The following LOC400499 variants were observed in gnomAD, a reference collection of about 807,000 sequenced individuals.
the LOC400499 span, among the ~76,000 whole-genome samples, chr16:11,478,224 C>T: frequency 2.2e-4 from 33 of 150,604 alleles, no homozygotes; most frequent in Non-Finnish European, 4.7e-4. Context: ...GACAGGGTTT[C>T]GCCATGTTGG....
chr16:11,393,011 T>C, the LOC400499 span, among the ~76,000 whole-genome samples: 37,735 of 152,070 alleles, frequency 0.25, 5,043 homozygotes, highest in African/African-American at 0.35. Flanking sequence ...CCCGCTACTG[T>C]GCCCGGCTAC....
the LOC400499 span, among the ~76,000 whole-genome samples, chr16:11,470,362 G>T: frequency 0.38 from 58,273 of 152,058 alleles, 12,533 homozygotes; most frequent in Non-Finnish European, 0.5. Context: ...CACACTCTGC[G>T]AGTACCTCGT....
At chr16:11,471,947 G>A in the LOC400499 span, 27 of 397,602 alleles carry the variant, frequency 6.8e-5, no homozygotes, top group African/African-American at 5.3e-4. Flanking sequence ...GCACCATGTA[G>A]ACAGGACTCC....
the LOC400499 span, among the ~76,000 whole-genome samples, chr16:11,483,768 C>T: frequency 1.3e-4 from 20 of 151,332 alleles, no homozygotes; most frequent in African/African-American, 3.9e-4. Context: ...CCAGCTACTC[C>T]GGAAGCTGAG....
the LOC400499 span, among the ~76,000 whole-genome samples, chr16:11,410,475 T>C: frequency 5.9e-4 from 90 of 152,056 alleles, no homozygotes; most frequent in African/African-American, 2.1e-3. Context: ...AAAAATTAAA[T>C]AAATAAATAA....
the LOC400499 span, among the ~76,000 whole-genome samples, chr16:11,481,277 A>C: frequency 6.6e-6 from 1 of 152,186 alleles, no homozygotes; most frequent in Non-Finnish European, 1.5e-5. Flanking sequence ...AACGAGACAG[A>C]AGTGGTGGTG....
At chr16:11,509,195 G>T in the LOC400499 span, among the ~76,000 whole-genome samples, 2 of 145,334 alleles carry the variant, frequency 1.4e-5, no homozygotes, top group African/African-American at 5.1e-5. Flanking sequence ...TCGGCTCACT[G>T]CAAGCTCCGC....
At chr16:11,508,240 A>G in the LOC400499 span, among the ~76,000 whole-genome samples, 1 of 152,318 alleles carries the variant, frequency 6.6e-6, no homozygotes, top group South Asian at 2.1e-4. Flanking sequence ...ATCACAGCAC[A>G]GCCTCAGGGC....
the LOC400499 span, chr16:11,472,520 AGGCAATACTGTGTAGAAC>A: frequency 6.6e-6 from 1 of 152,238 alleles, no homozygotes; most frequent in Non-Finnish European, 1.5e-5. Flanking sequence ...AAAGAGTGTC[AGGCAATACTGTGTAGAAC>A]ACAGGCTCTG....
chr16:11,390,203 C>T, the LOC400499 span: 3 of 1,232,512 alleles, frequency 2.4e-6, no homozygotes, highest in African/African-American at 3.1e-5. Context: ...GTTGGGCGGC[C>T]TGGAGAGGGA....
At chr16:11,414,590 G>C in the LOC400499 span, 2 of 399,218 alleles carry the variant, frequency 5.0e-6, no homozygotes, top group Admixed American at 4.4e-5. Context: ...CTACATGAGA[G>C]GCCATGCCCT....
chr16:11,478,044 G>A, the LOC400499 span: 3 of 396,544 alleles, frequency 7.6e-6, no homozygotes, highest in Non-Finnish European at 1.3e-5. Flanking sequence ...CGGGCTCGGT[G>A]GCTCACGCCT....
the LOC400499 span, among the ~76,000 whole-genome samples, chr16:11,494,941 G>A: frequency 1.3e-5 from 2 of 152,198 alleles, no homozygotes; most frequent in African/African-American, 2.4e-5. Context: ...AGACACGGTG[G>A]CTCATGCCTG....
At chr16:11,440,693 T>G in the LOC400499 span, 1 of 398,954 alleles carries the variant, frequency 2.5e-6, no homozygotes, top group Non-Finnish European at 4.4e-6. Flanking sequence ...CCGGCCTCCC[T>G]CGGCAAGGGA....
chr16:11,421,720 T>A, the LOC400499 span, among the ~76,000 whole-genome samples: 1 of 152,012 alleles, frequency 6.6e-6, no homozygotes, highest in African/African-American at 2.4e-5. Flanking sequence ...ATTTCCAGAA[T>A]AGACAAACGC....
At chr16:11,382,550 A>AT in the LOC400499 span, among the ~76,000 whole-genome samples, 1 of 149,774 alleles carries the variant, frequency 6.7e-6, no homozygotes, top group Non-Finnish European at 1.5e-5. Flanking sequence ...AACAACACAC[A>AT]TTTGGTCACA....
the LOC400499 span, chr16:11,469,680 G>C: frequency 2.5e-6 from 1 of 399,016 alleles, no homozygotes; most frequent in Non-Finnish European, 4.4e-6. Context: ...GGAAATAGCA[G>C]AGTCTTCAAG....
chr16:11,482,790 G>C, the LOC400499 span, among the ~76,000 whole-genome samples: 1 of 151,852 alleles, frequency 6.6e-6, no homozygotes, highest in South Asian at 2.1e-4. Context: ...TACTCAAGTG[G>C]CTGAGGCTGG....
At chr16:11,486,095 G>C in the LOC400499 span, among the ~76,000 whole-genome samples, 4 of 148,848 alleles carry the variant, frequency 2.7e-5, no homozygotes, top group Non-Finnish European at 5.9e-5. Flanking sequence ...TGGATGGACG[G>C]ATAGATGGAT....
Sources: allele counts gnomAD v4.1 joint callset (sites outside exome capture counted in the v4.1 genomes callset), GRCh38; gene constraint gnomAD v4.1.1; transcripts MANE v1.5.